GRIN2B: variants seen among roughly 807,000 people sequenced by gnomAD.
The protein encoded by GRIN2B is glutamate ionotropic receptor NMDA type subunit 2B.
A neutral mutation model predicts 114.5 loss-of-function variants in GRIN2B; 5 were observed. The observed-to-expected ratio is 0.04, with a 90% confidence interval of 0.02 to 0.09. The LOEUF is 0.09. Among genes scored for constraint, GRIN2B ranks in the 10% least tolerant of loss-of-function variants. The pLI, the probability that GRIN2B is intolerant of heterozygous loss-of-function variation, is 1.00. For missense variants in GRIN2B, 1,108 were observed against 1,943.5 expected, an observed-to-expected ratio of 0.57 and a Z score of 8.08; for synonymous variants, 787 against 745.1, an observed-to-expected ratio of 1.06 and a Z score of -0.92.
At chr12:13,681,387 GC>G (rs1309194039) in intron 4 of GRIN2B, among the ~76,000 whole-genome samples, 1 of 152,110 alleles carries the variant, frequency 6.6e-6, no homozygotes, top group Admixed American at 6.6e-5. Flanking sequence ...GTGCCACCAT[GC>G]TTTTAAAAAG....
chr12:13,666,999 G>A (rs537418557), intron 5 of GRIN2B, among the ~76,000 whole-genome samples: 1 of 152,278 alleles, frequency 6.6e-6, no homozygotes, highest in Admixed American at 6.5e-5. Flanking sequence ...ATCCCTACTG[G>A]TGAAAGAAGG....
At chr12:13,793,185 T>C (rs1258018244) in intron 3 of GRIN2B, among the ~76,000 whole-genome samples, 1 of 152,158 alleles carries the variant, frequency 6.6e-6, no homozygotes, top group Non-Finnish European at 1.5e-5. Context: ...GGCGAGCAGA[T>C]GGCATGAGGC....
At chr12:13,855,319 A>C (rs1355806312) in intron 3 of GRIN2B, among the ~76,000 whole-genome samples, 1 of 152,198 alleles carries the variant, frequency 6.6e-6, no homozygotes, top group Non-Finnish European at 1.5e-5. Context: ...TAAGGCTCAG[A>C]GAAGTGAAGG....
rs537964855 is a variant in GRIN2B, at chr12:13,608,010, C to G, written c.2010+593G>C. Among the ~76,000 whole-genome samples, 8 of 92,254 alleles carry G rather than the reference C, an allele frequency of 8.7e-5. No homozygotes were observed. The South Asian group carries it at 3.7e-3, about 42-fold the overall frequency. 60.5% of individuals were successfully genotyped at this position (92,254 alleles called of 152,430 possible). On this transcript the variant is annotated intron_variant, in intron 10 of 13. Coordinates refer to ENST00000609686, the MANE Select transcript of GRIN2B (RefSeq NM_000834.5). ...AAACAGCAGACACTTTCCCTTCTCTCTCAATTGCATAGGCCCGCAGAGGCC... is the reference window on the plus strand; with the variant it reads ...AAACAGCAGACACTTTCCCTTCTCTGTCAATTGCATAGGCCCGCAGAGGCC...
At chr12:13,978,158 G>C (rs898006073) in intron 2 of GRIN2B, among the ~76,000 whole-genome samples, 2 of 152,286 alleles carry the variant, frequency 1.3e-5, no homozygotes, top group Middle Eastern at 3.4e-3. Flanking sequence ...TCCTCTCCTT[G>C]TCCATCTGTA....
intron 12 of GRIN2B, among the ~76,000 whole-genome samples, chr12:13,569,166 A>T (rs182553241): frequency 2.0e-5 from 3 of 152,322 alleles, no homozygotes; most frequent in Admixed American, 2.0e-4. Context: ...GACCTCCTTG[A>T]CAAACTGCTT....
intron 3 of GRIN2B, among the ~76,000 whole-genome samples, chr12:13,817,398 A>G (rs1229574709): frequency 3.3e-5 from 5 of 152,174 alleles, no homozygotes; most frequent in Non-Finnish European, 5.9e-5. Flanking sequence ...TCGACAGGGC[A>G]TATCAGAAAG....
intron 5 of GRIN2B, among the ~76,000 whole-genome samples, chr12:13,619,622 C>T (rs1443858481): frequency 1.3e-5 from 2 of 152,198 alleles, no homozygotes; most frequent in African/African-American, 2.4e-5. Context: ...CACTGCAAAC[C>T]GATTCTGTGC....
chr12:13,869,968 A>G (rs1275343247), intron 2 of GRIN2B, among the ~76,000 whole-genome samples: 1 of 152,146 alleles, frequency 6.6e-6, no homozygotes, highest in Non-Finnish European at 1.5e-5. Context: ...AATCTAAAAT[A>G]CTCCACAGAT....
At chr12:13,809,270 T>A (rs927455507) in intron 3 of GRIN2B, among the ~76,000 whole-genome samples, 4 of 152,170 alleles carry the variant, frequency 2.6e-5, no homozygotes, top group African/African-American at 9.7e-5. Context: ...ACACTTCAGC[T>A]CTTTATGAGA....
intron 2 of GRIN2B, among the ~76,000 whole-genome samples, chr12:13,907,509 A>AT (rs1866559505): frequency 6.6e-6 from 1 of 151,856 alleles, no homozygotes; most frequent in Admixed American, 6.6e-5. Flanking sequence ...AAAAAAAAAA[A>AT]AGTCCTCCAG....
At chr12:13,583,746 G>A (rs1323125534) in intron 10 of GRIN2B, among the ~76,000 whole-genome samples, 3 of 152,114 alleles carry the variant, frequency 2.0e-5, no homozygotes, top group Non-Finnish European at 4.4e-5. Context: ...AAGCGAAATA[G>A]CATGAGAAAA....
chr12:13,804,722 G>T (rs1335489188), intron 3 of GRIN2B, among the ~76,000 whole-genome samples: 2 of 152,024 alleles, frequency 1.3e-5, no homozygotes, highest in Non-Finnish European at 2.9e-5. Flanking sequence ...ATATACATTT[G>T]GTTATTTCTT....
At chr12:13,950,673 C>T (rs1474262334) in intron 2 of GRIN2B, among the ~76,000 whole-genome samples, 2 of 152,162 alleles carry the variant, frequency 1.3e-5, no homozygotes, top group Admixed American at 1.3e-4. Flanking sequence ...TGCTGAGATG[C>T]CTCAGATTCC....
At chr12:13,632,675 G>A (rs746981080) in intron 5 of GRIN2B, among the ~76,000 whole-genome samples, 1 of 152,204 alleles carries the variant, frequency 6.6e-6, no homozygotes, top group Non-Finnish European at 1.5e-5. Context: ...AGAGAGGTAA[G>A]GGCAAAGAGT....
intron 3 of GRIN2B, among the ~76,000 whole-genome samples, chr12:13,804,744 T>A (rs1158488125): frequency 6.6e-6 from 1 of 152,190 alleles, no homozygotes; most frequent in Non-Finnish European, 1.5e-5. Flanking sequence ...TCTCCTCCAA[T>A]ACATTCTAAA....
intron 3 of GRIN2B, among the ~76,000 whole-genome samples, chr12:13,860,745 T>C (rs147207887): frequency 1.4e-3 from 208 of 152,348 alleles, no homozygotes; most frequent in African/African-American, 4.9e-3. Context: ...GCTACCATGC[T>C]ACACCCTGAT....
In GRIN2B at chr12:13,564,247, G is replaced by T. The variant is rs766092483; in HGVS notation, c.2991C>A (p.Ala997=). 1.9e-6 allele frequency: 3 copies of T among 1,614,054 alleles called. No individual in the cohort carries two copies. In the African/African-American group the frequency reaches 4.0e-5, roughly 22 times the overall value. ...AGTCGTAGAGCCCATCGATGGAGCT[G>T]GCACTGCCAATACTATGGGGCCGGT... ...HHHRPHSIGS[A]SSIDGLYDCD... Residue 997 remains alanine (A), a synonymous_variant, in exon 14 of 14, where the codon GCC becomes GCA. Coordinates refer to ENST00000609686, the MANE Select transcript of GRIN2B (RefSeq NM_000834.5). The surrounding 1 kb of genome is among the most constrained non-coding windows in gnomAD (Gnocchi z 4.8).
chr12:13,702,408 T>A (rs2136570069), intron 4 of GRIN2B, among the ~76,000 whole-genome samples: 1 of 152,288 alleles, frequency 6.6e-6, no homozygotes, highest in East Asian at 1.9e-4. Flanking sequence ...GCTCAGAGAT[T>A]GATTGGTTTT....
Sources: allele counts gnomAD v4.1 joint callset (sites outside exome capture counted in the v4.1 genomes callset), GRCh38; gene constraint gnomAD v4.1.1; non-coding constraint Gnocchi (gnomAD v3.1); transcripts MANE v1.5; gene names NCBI Gene and HGNC (gene_info 2026-07-23, HGNC 2026-07-21).